PARD3: variants seen among roughly 807,000 people sequenced by gnomAD.
The protein encoded by PARD3 is partitioning defective 3 homolog.
Under a neutral mutation model 155.4 loss-of-function variants are expected in PARD3, and 75 were observed. That is an observed-to-expected ratio of 0.48 (90% CI 0.40 to 0.58). PARD3 has a LOEUF of 0.58. PARD3 is among the 20% of genes least tolerant of loss of function. PARD3 has a pLI of 0.00. For synonymous variants in PARD3, 576 were observed against 610.5 expected, an observed-to-expected ratio of 0.94 and a Z score of 0.83; for missense variants, 1,642 against 1,721.7, an observed-to-expected ratio of 0.95 and a Z score of 0.82.
At chr10:34,477,933 A>C (rs2133162383) in intron 3 of PARD3, among the ~76,000 whole-genome samples, 1 of 152,352 alleles carries the variant, frequency 6.6e-6, no homozygotes, top group East Asian at 1.9e-4. Flanking sequence ...GGGAAGAACC[A>C]AGTTATTATC....
At chr10:34,649,586 A>C (rs2092945876) in intron 2 of PARD3, among the ~76,000 whole-genome samples, 1 of 152,246 alleles carries the variant, frequency 6.6e-6, no homozygotes, top group Non-Finnish European at 1.5e-5. Context: ...AGCTTGCGGG[A>C]CTGGAAGTTG....
At chr10:34,400,875 T>G (rs1238271538) in intron 6 of PARD3, among the ~76,000 whole-genome samples, 1 of 152,018 alleles carries the variant, frequency 6.6e-6, no homozygotes, top group Non-Finnish European at 1.5e-5. Context: ...ATACTGATTA[T>G]CCCATTTGAA....
intron 2 of PARD3, among the ~76,000 whole-genome samples, chr10:34,532,790 A>AT (rs1423332025): frequency 6.6e-6 from 1 of 152,132 alleles, no homozygotes; most frequent in Non-Finnish European, 1.5e-5. Flanking sequence ...TTCTAACTCT[A>AT]TTTTTACACT....
At chr10:34,735,939 G>A (rs2094905601) in intron 1 of PARD3, among the ~76,000 whole-genome samples, 1 of 152,108 alleles carries the variant, frequency 6.6e-6, no homozygotes, top group South Asian at 2.1e-4. Context: ...TGCCCAGGCT[G>A]GTCTCAAACT....
chr10:34,459,033 C>T (rs2077482423), intron 4 of PARD3, among the ~76,000 whole-genome samples: 1 of 152,228 alleles, frequency 6.6e-6, no homozygotes, highest in African/African-American at 2.4e-5. Flanking sequence ...CTTTCTTACA[C>T]TACACTAAAC....
intron 24 of PARD3, among the ~76,000 whole-genome samples, chr10:34,118,566 G>A (rs1255312516): frequency 6.6e-6 from 1 of 151,944 alleles, no homozygotes; most frequent in African/African-American, 2.4e-5. Flanking sequence ...GGCTGGTCTC[G>A]AACTCCTGGG....
intron 2 of PARD3, among the ~76,000 whole-genome samples, chr10:34,527,548 A>T (rs776490436): frequency 9.2e-5 from 14 of 152,178 alleles, no homozygotes; most frequent in Admixed American, 2.0e-4. Context: ...AAGAAAGTAG[A>T]ACTAGGAGTT....
intron 2 of PARD3, among the ~76,000 whole-genome samples, chr10:34,681,240 C>A (rs1308052858): frequency 6.6e-6 from 1 of 152,006 alleles, no homozygotes; most frequent in Non-Finnish European, 1.5e-5. Flanking sequence ...AAACACAAGC[C>A]ACTTTATCCC....
chr10:34,378,387 T>C (rs1230085111), intron 9 of PARD3, among the ~76,000 whole-genome samples: 3 of 152,216 alleles, frequency 2.0e-5, no homozygotes, highest in African/African-American at 7.2e-5. Flanking sequence ...TAAAAGTTTT[T>C]AAATCAATGT....
At chr10:34,365,532 G>A (rs1839876562) in intron 12 of PARD3, among the ~76,000 whole-genome samples, 1 of 152,136 alleles carries the variant, frequency 6.6e-6, no homozygotes, top group African/African-American at 2.4e-5. Flanking sequence ...ACAATAATAG[G>A]ATATGTGGCT....
intron 20 of PARD3, among the ~76,000 whole-genome samples, chr10:34,316,225 T>C (rs537626567): frequency 6.6e-6 from 1 of 152,244 alleles, no homozygotes; most frequent in South Asian, 2.1e-4. Flanking sequence ...CACCTTGATA[T>C]GTTTAGGGGT....
At chr10:34,346,561 T>A in intron 15 of PARD3, 1 of 1,210,788 alleles carries the variant, frequency 8.3e-7, no homozygotes, top group Non-Finnish European at 1.1e-6. Context: ...AAAAAAATAA[T>A]TTAACAAAGA....
intron 22 of PARD3, among the ~76,000 whole-genome samples, chr10:34,224,392 C>T (rs1952481008): frequency 2.6e-5 from 4 of 152,226 alleles, no homozygotes; most frequent in Admixed American, 2.6e-4. Flanking sequence ...GAAACTCCCC[C>T]TCAGGGGAAG....
chr10:34,359,997 G>C, intron 13 of PARD3, 74 bp downstream of exon 13: 1 of 1,158,228 alleles, frequency 8.6e-7, no homozygotes, highest in Non-Finnish European at 1.3e-6. Flanking sequence ...AACTGTATAT[G>C]TTTCCAAAAT....
chr10:34,647,825 G>T (rs1019037079), intron 2 of PARD3, among the ~76,000 whole-genome samples: 1 of 152,190 alleles, frequency 6.6e-6, no homozygotes, highest in African/African-American at 2.4e-5. Flanking sequence ...ACCAAGAAAT[G>T]ATAAATATAT....
chr10:34,131,897 A>G (rs758349354), intron 22 of PARD3, among the ~76,000 whole-genome samples: 16 of 152,110 alleles, frequency 1.1e-4, no homozygotes, highest in Non-Finnish European at 1.9e-4. Context: ...TTTTTTGGAA[A>G]GGACATTGCA....
intron 5 of PARD3, among the ~76,000 whole-genome samples, chr10:34,430,420 T>C (rs924791800): frequency 2.6e-5 from 4 of 152,206 alleles, no homozygotes; most frequent in Admixed American, 2.6e-4. Flanking sequence ...TTCCTAATGA[T>C]AGAATATGAC....
intron 22 of PARD3, among the ~76,000 whole-genome samples, chr10:34,192,447 C>T (rs1353665518): frequency 6.6e-6 from 1 of 152,174 alleles, no homozygotes; most frequent in Non-Finnish European, 1.5e-5. Context: ...GAGACAGAAA[C>T]AGCACCAACC....
At chr10:34,646,535 TAAAAC>T (rs1434497891) in intron 2 of PARD3, among the ~76,000 whole-genome samples, 1 of 152,196 alleles carries the variant, frequency 6.6e-6, no homozygotes, top group African/African-American at 2.4e-5. Flanking sequence ...AATAAGGTAA[TAAAAC>T]AAAGCAGGAT....
Sources: gnomAD v4.1 joint callset for allele counts (sites outside exome capture counted in the v4.1 genomes callset) on GRCh38, gnomAD v4.1.1 for gene constraint, MANE v1.5 for transcripts, NCBI Gene and HGNC (gene_info 2026-07-23, HGNC 2026-07-21) for gene names.